The following MPC2 variants were observed in gnomAD, a reference collection of about 807,000 sequenced individuals.
The protein encoded by MPC2 is brain protein 44.
In MPC2, 19 loss-of-function variants were observed where a neutral mutation model predicts 19.2. The observed-to-expected ratio is 0.99, with a 90% CI of 0.69 to 1.45. The LOEUF (loss-of-function observed/expected upper bound fraction) is 1.45, where lower values mean the gene tolerates loss of function less well. Ranked by LOEUF, MPC2 falls within the 40% of genes most tolerant of loss-of-function variation. The probability of loss-of-function intolerance (pLI) is 0.00; values close to 1 mark genes in which losing one functional copy is unlikely to be tolerated. For synonymous variants in MPC2, 61 were observed against 54.3 expected, an observed-to-expected ratio of 1.12 and a Z score of -0.54; for missense variants, 122 against 153.0, an observed-to-expected ratio of 0.80 and a Z score of 1.07.
chr1:167,936,050 G>A (rs1671167626), intron 1 of MPC2, 152 bp from the exon 2 acceptor site: 2 of 593,060 alleles, frequency 3.4e-6, no homozygotes, highest in Admixed American at 3.0e-5. Flanking sequence ...GGAGGCTGCC[G>A]ACTGCCAGCC....
intron 3 of MPC2, 85 bp from the exon 4 acceptor site, chr1:167,920,716 G>A: frequency 1.5e-6 from 2 of 1,338,138 alleles, no homozygotes. Flanking sequence ...AGACATTTTT[G>A]AGATTTCCGT....
Position 167,925,470 on chromosome 1 carries a change from T to TATATAC in MPC2, c.110-939_110-934dup, listed in dbSNP as rs71848382. On this transcript the variant is annotated intron_variant, in intron 2 of 5. Coordinates refer to ENST00000271373, the MANE Select transcript of MPC2 (RefSeq NM_001143674.4). ...ATATATATATATATATATATATATATATATACATATACATATACACACACA... is the reference window on the plus strand; with the variant it reads ...ATATATATATATATATATATATATATATATACATATACATATACATATACACACACA... Among the ~76,000 whole-genome samples the TATATAC allele has an allele frequency of 1.6e-4, 17 of 107,770 alleles. No homozygotes were observed. In the East Asian group the frequency reaches 4.1e-3, roughly 26 times the overall value. 70.7% of individuals were successfully genotyped at this position (107,770 alleles called of 152,430 possible). A position where few individuals can be genotyped will look rare whatever the true frequency, so the allele number is the denominator to read the frequency against.
At chr1:167,922,636 G>T (rs970326948) in intron 3 of MPC2, among the ~76,000 whole-genome samples, 1 of 151,736 alleles carries the variant, frequency 6.6e-6, no homozygotes, top group South Asian at 2.1e-4. Flanking sequence ...GTAAAATACA[G>T]CTCCCGAATG....
chr1:167,933,484 A>G (rs1670971983), intron 2 of MPC2, among the ~76,000 whole-genome samples: 1 of 152,198 alleles, frequency 6.6e-6, no homozygotes, highest in African/African-American at 2.4e-5. Flanking sequence ...CATTCTTGTT[A>G]CCTGTCGAGA....
rs895003865 is a variant in MPC2 at position 167,919,962 on chromosome 1, A to C, written c.347+17T>G. 12 of 1,574,152 alleles carry C rather than the reference A, an allele frequency of 7.6e-6. No homozygotes were observed. The highest frequency in any genetic ancestry group is 1.4e-5 in the African/African-American group (1 of 72,670). On this transcript the variant is annotated intron_variant, in intron 5 of 5. Transcript: ENST00000271373. ...TAGCTTTTGCAACAGTTTTAAAAAT[A>C]TCTCTGGTAGGCTTACCTCCAAATA...
chr1:167,935,829 C>A lies in MPC2; in HGVS notation c.13G>T (p.Gly5Cys). 6.4e-7 allele frequency: 1 copy of A among 1,551,718 alleles called. No homozygotes were observed. Among genetic ancestry groups the A allele is most frequent in the East Asian group, 2.4e-5 (1 of 41,190 alleles). The change falls in exon 2 of 6, where the codon GGT (glycine) becomes TGT (cysteine). Residue 5 changes from glycine to cysteine, a missense_variant. Transcript: ENST00000271373. MSAA[G>C]ARGLRATYHR... ...TAGGTGGCCCGCAGGCCTCGGGCACCGGCGGCCGACATCGCCGCCGAGGGA... is the reference window on the plus strand; with the variant it reads ...TAGGTGGCCCGCAGGCCTCGGGCACAGGCGGCCGACATCGCCGCCGAGGGA...
At chr1:167,925,442 C>CGTATATATATATATATATATATAT (rs1553200802) in intron 2 of MPC2, among the ~76,000 whole-genome samples, 1 of 82,478 alleles carries the variant, frequency 1.2e-5, no homozygotes, top group African/African-American at 5.1e-5. Context: ...TACATATACA[C>CGTATATATATATATATATATATAT]ATATATATAT....
intron 3 of MPC2, among the ~76,000 whole-genome samples, chr1:167,922,135 T>A (rs1040967300): frequency 4.6e-5 from 7 of 152,156 alleles, no homozygotes; most frequent in Non-Finnish European, 7.4e-5. Context: ...GTAAGAGGTA[T>A]ATAAGGTAAG....
intron 2 of MPC2, among the ~76,000 whole-genome samples, chr1:167,931,922 A>G (rs1670923360): frequency 6.6e-6 from 1 of 152,210 alleles, no homozygotes; most frequent in African/African-American, 2.4e-5. Flanking sequence ...GGAAAAATGC[A>G]AATATTATTC....
At chr1:167,936,807 GCGCGGA>G in intron 1 of MPC2, 126 bp downstream of exon 1, 1 of 1,042,950 alleles carries the variant, frequency 9.6e-7, no homozygotes, top group Non-Finnish European at 1.4e-6. Flanking sequence ...GAGGCCCGGC[GCGCGGA>G]TGGTGCCGGT....
In MPC2 at chr1:167,921,243, T is replaced by A. The variant is rs931464243; in HGVS notation, c.151-612A>T. ...TTTGGTTAGATCATTTTTTTTTTTT[T>A]AGACAGTCTCACTCTGTCACCCAGG... is the stretch of plus-strand genomic sequence containing the variant. On this transcript the variant is annotated intron_variant, in intron 3 of 5. Transcript: ENST00000271373. 2.6e-5 allele frequency among the ~76,000 whole-genome samples: 4 copies of A among 151,838 alleles called. No homozygotes were observed. The East Asian group carries it at 5.8e-4, about 22-fold the overall frequency.
At chr1:167,935,162 A>G (rs577845707) in intron 2 of MPC2, among the ~76,000 whole-genome samples, 7 of 152,306 alleles carry the variant, frequency 4.6e-5, no homozygotes, top group African/African-American at 1.4e-4. Context: ...CTTGTTCAAC[A>G]ATTTCATAAA....
rs1670471222 is a variant in MPC2, at chr1:167,917,121, G to A, written c.*1202C>T. 1 of 152,054 alleles carries A rather than the reference G, an allele frequency of 6.6e-6. No homozygotes were observed. The highest frequency in any genetic ancestry group is 2.4e-5 in the African/African-American group (1 of 41,384). 9.4% of individuals were successfully genotyped at this position (152,054 alleles called of 1,614,324 possible). On this transcript the variant is annotated 3_prime_UTR_variant, in exon 6 of 6. Transcript: ENST00000271373. Reference sequence around the variant, plus strand: ...TTTTTAATGAGGACTGGCTTTATTAGCACTTTTAGAAAAAAAGCTCTGCAC... The same window carrying A: ...TTTTTAATGAGGACTGGCTTTATTAACACTTTTAGAAAAAAAGCTCTGCAC...
At chr1:167,921,967 G>C (rs1267287963) in intron 3 of MPC2, among the ~76,000 whole-genome samples, 2 of 152,184 alleles carry the variant, frequency 1.3e-5, no homozygotes, top group Non-Finnish European at 2.9e-5. Context: ...TTCAACTAAA[G>C]TGGTTACAAA....
At chr1:167,930,346 T>C (rs6691506) in intron 2 of MPC2, among the ~76,000 whole-genome samples, 2,324 of 152,294 alleles carry the variant, frequency 0.015, 56 homozygotes, top group African/African-American at 0.051. Flanking sequence ...AAAGAATCAG[T>C]TACTTTTAGA....
intron 1 of MPC2, 62 bp from the exon 2 acceptor site, chr1:167,935,960 TGGAGTACCC>T: frequency 2.7e-6 from 2 of 739,696 alleles, no homozygotes; most frequent in South Asian, 3.3e-5. Context: ...GCCTCTCGCC[TGGAGTACCC>T]TTCCCGCGGC....
At chr1:167,935,976 C>T (rs2102571489) in intron 1 of MPC2, 78 bp from the exon 2 acceptor site, 2 of 690,102 alleles carry the variant, frequency 2.9e-6, no homozygotes, top group Non-Finnish European at 5.0e-6. Context: ...ACCCTTCCCG[C>T]GGCTTTCCCT....
At chr1:167,924,310 C>T in intron 3 of MPC2, 187 bp downstream of exon 3, 1 of 441,252 alleles carries the variant, frequency 2.3e-6, no homozygotes, top group Non-Finnish European at 4.1e-6. Context: ...CTAAAGAGTT[C>T]AGAAAAACTA....
At chr1:167,933,165 A>T (rs1033243085) in intron 2 of MPC2, among the ~76,000 whole-genome samples, 1 of 148,526 alleles carries the variant, frequency 6.7e-6, no homozygotes, top group Non-Finnish European at 1.5e-5. Context: ...ATAAAAACAC[A>T]TTAGTTTTTT....
Sources: gnomAD v4.1 joint callset for allele counts (sites outside exome capture counted in the v4.1 genomes callset) on GRCh38, gnomAD v4.1.1 for gene constraint, MANE v1.5 for transcripts, NCBI Gene and HGNC (gene_info 2026-07-23, HGNC 2026-07-21) for gene names.